RRAGD: variants seen among roughly 807,000 people sequenced by gnomAD.
The protein encoded by RRAGD is ras-related GTP-binding protein D.
A neutral mutation model predicts 35.5 loss-of-function variants in RRAGD; 12 were observed. The ratio of observed to expected loss-of-function variants is 0.34; its 90% confidence interval spans 0.22 to 0.55. The LOEUF (loss-of-function observed/expected upper bound fraction) is 0.55. Ranked by LOEUF, RRAGD falls within the 20% of genes least tolerant of loss-of-function variation. The pLI, the probability that RRAGD is intolerant of heterozygous loss-of-function variation, is 0.91. For synonymous variants in RRAGD, 155 were observed against 178.9 expected, an observed-to-expected ratio of 0.87 and a Z score of 1.07; for missense variants, 324 against 490.1, an observed-to-expected ratio of 0.66 and a Z score of 3.20.
chr6:89,393,608 C>T (rs1308416817), intron 1 of RRAGD, among the ~76,000 whole-genome samples: 1 of 152,216 alleles, frequency 6.6e-6, no homozygotes, highest in Non-Finnish European at 1.5e-5. Flanking sequence ...ACTCTCACTA[C>T]AATGTGTGGA....
intron 1 of RRAGD, among the ~76,000 whole-genome samples, chr6:89,391,165 G>A (rs1436280609): frequency 6.6e-6 from 1 of 151,958 alleles, no homozygotes; most frequent in East Asian, 1.9e-4. Flanking sequence ...CAGGAGGGTT[G>A]CTTGAGGCCA....
In RRAGD at chr6:89,405,353, CAAA is replaced by C. The variant is rs56252416; in HGVS notation, c.148+6490_148+6492del. Among the ~76,000 whole-genome samples, 26 of 52,204 alleles carry C rather than the reference CAAA, an allele frequency of 5.0e-4. No homozygotes were observed. In the South Asian group the frequency reaches 0.016, roughly 33 times the overall value. The allele number at this position is 52,204 out of a possible 152,430, so 34.2% of individuals were successfully genotyped here. A position where few individuals can be genotyped will look rare whatever the true frequency, so the allele number is the denominator to read the frequency against. On this transcript the variant is annotated intron_variant, in intron 1 of 6. Transcript: ENST00000369415. ...TGGGTGACAGAGCAAGACTCCGTCTCAAAAAAAAAAAAAAAAAAAAAAGAGATA... is the reference window on the plus strand; with the variant it reads ...TGGGTGACAGAGCAAGACTCCGTCTCAAAAAAAAAAAAAAAAAAAGAGATA...
chr6:89,370,904 GT>G (rs1768844317), intron 6 of RRAGD, among the ~76,000 whole-genome samples: 1 of 151,760 alleles, frequency 6.6e-6, no homozygotes, highest in Admixed American at 6.6e-5. Flanking sequence ...GATAATTATT[GT>G]TTTTTTGCTA....
chr6:89,397,690 T>A (rs1769366381), intron 1 of RRAGD, among the ~76,000 whole-genome samples: 1 of 151,860 alleles, frequency 6.6e-6, no homozygotes, highest in African/African-American at 2.4e-5. Context: ...TTGTGATGCA[T>A]CTCAGCAATA....
chr6:89,379,178 T>C lies in RRAGD; in HGVS notation c.759+46A>G, dbSNP rs374536304. 449 of 1,021,988 alleles carry C rather than the reference T, an allele frequency of 4.4e-4. 2 individuals are homozygous for C. In the South Asian group the frequency reaches 4.6e-3, roughly 10 times the overall value. The allele number at this position is 1,021,988 out of a possible 1,614,324, so 63.3% of individuals were successfully genotyped here. On this transcript the variant is annotated intron_variant, in intron 4 of 6. Coordinates refer to ENST00000369415, the MANE Select transcript of RRAGD (RefSeq NM_021244.5). ...GATCTTTTTCACTCTTGCAATGTTA[T>C]TTTCAAATTCTACAAGTGACTCAAA...
chr6:89,405,374 A>AAAG (rs1769558840), intron 1 of RRAGD, among the ~76,000 whole-genome samples: 1 of 149,570 alleles, frequency 6.7e-6, no homozygotes, highest in Non-Finnish European at 1.5e-5. Flanking sequence ...AAAAAAAAAA[A>AAAG]AGAGATAACA....
At chr6:89,376,672 C>T (rs1053085728) in intron 5 of RRAGD, among the ~76,000 whole-genome samples, 1 of 152,040 alleles carries the variant, frequency 6.6e-6, no homozygotes. Flanking sequence ...GTTTCCCCCA[C>T]TCCTTGTTTA....
chr6:89,379,761 A>C (rs1769011094), intron 3 of RRAGD, among the ~76,000 whole-genome samples: 1 of 152,226 alleles, frequency 6.6e-6, no homozygotes, highest in African/African-American at 2.4e-5. Context: ...CTACCTCACA[A>C]AAAATGATGG....
intron 1 of RRAGD, among the ~76,000 whole-genome samples, chr6:89,406,189 T>C (rs76705526): frequency 0.083 from 12,584 of 152,026 alleles, 561 homozygotes; most frequent in Admixed American, 0.098. Flanking sequence ...GTCCTAATGA[T>C]AAGGGGAGTG....
At chr6:89,393,330 G>A (rs903387892) in intron 1 of RRAGD, among the ~76,000 whole-genome samples, 2 of 150,822 alleles carry the variant, frequency 1.3e-5, no homozygotes, top group African/African-American at 4.9e-5. Flanking sequence ...TAGAACTGGT[G>A]GAATCCCACA....
chr6:89,412,070 A>G lies in RRAGD; in HGVS notation c.-77T>C. ...CCAAGCCTCCTAGCCGGCCGCCCGCAGCCTATTTCTGAAGCGGAGGTTTGT... is the reference window on the plus strand; with the variant it reads ...CCAAGCCTCCTAGCCGGCCGCCCGCGGCCTATTTCTGAAGCGGAGGTTTGT... On this transcript the variant is annotated 5_prime_UTR_variant, in exon 1 of 7. Coordinates refer to ENST00000369415, the MANE Select transcript of RRAGD (RefSeq NM_021244.5). This position sits in a 1 kb window ranked among gnomAD's most constrained non-coding sequence, Gnocchi z 4.2. 1 of 1,391,794 alleles carries G rather than the reference A, an allele frequency of 7.2e-7. No homozygotes were observed. The allele number at this position is 1,391,794 out of a possible 1,614,324, so 86.2% of individuals were successfully genotyped here.
chr6:89,402,937 G>A (rs1769501910), intron 1 of RRAGD, among the ~76,000 whole-genome samples: 1 of 152,122 alleles, frequency 6.6e-6, no homozygotes, highest in Non-Finnish European at 1.5e-5. Context: ...AGCACACAGT[G>A]TCATCTCTCA....
intron 2 of RRAGD, among the ~76,000 whole-genome samples, chr6:89,381,908 C>T (rs1769049387): frequency 1.3e-5 from 2 of 151,920 alleles, no homozygotes; most frequent in African/African-American, 4.8e-5. Context: ...CTTGACTGTA[C>T]CTGGAAGTCT....
At position 89,406,773 on chromosome 6, in the gene RRAGD, T is replaced by C. The variant is rs144129893; in HGVS notation, c.148+5073A>G. Among the ~76,000 whole-genome samples the C allele has an allele frequency of 9.2e-5, 14 of 152,266 alleles. No individual in the cohort carries two copies. In the East Asian group the frequency reaches 2.3e-3, roughly 25 times the overall value. On this transcript the variant is annotated intron_variant, in intron 1 of 6. Coordinates refer to ENST00000369415, the MANE Select transcript of RRAGD (RefSeq NM_021244.5). ...AACTGAGCTGGTTAACACAAGCCCATAGATGGCAAAACTAAAAGAGCACCC... is the reference window on the plus strand; with the variant it reads ...AACTGAGCTGGTTAACACAAGCCCACAGATGGCAAAACTAAAAGAGCACCC...
chr6:89,403,332 C>T (rs932526144), intron 1 of RRAGD, among the ~76,000 whole-genome samples: 4 of 152,064 alleles, frequency 2.6e-5, no homozygotes, highest in South Asian at 4.2e-4. Context: ...GTAGTCCCAG[C>T]TACTCAGGAG....
At chr6:89,386,690 C>T (rs1245268754) in intron 2 of RRAGD, among the ~76,000 whole-genome samples, 1 of 152,088 alleles carries the variant, frequency 6.6e-6, no homozygotes, top group African/African-American at 2.4e-5. Context: ...GTGCTTATAA[C>T]TATATAAACA....
intron 5 of RRAGD, among the ~76,000 whole-genome samples, chr6:89,376,605 C>G (rs1376956867): frequency 6.6e-6 from 1 of 152,180 alleles, no homozygotes; most frequent in Non-Finnish European, 1.5e-5. Flanking sequence ...CTGTACACCA[C>G]CTGTTCAGCA....
chr6:89,386,126 C>T (rs1769133575), intron 2 of RRAGD, among the ~76,000 whole-genome samples: 1 of 152,190 alleles, frequency 6.6e-6, no homozygotes, highest in Non-Finnish European at 1.5e-5. Context: ...TCAGCGCATG[C>T]TGAGAAGGGC....
intron 2 of RRAGD, among the ~76,000 whole-genome samples, chr6:89,384,046 T>C (rs1769094110): frequency 6.7e-6 from 1 of 149,892 alleles, no homozygotes; most frequent in Admixed American, 6.7e-5. Flanking sequence ...GGGATTGCAG[T>C]GAGCCAAGAT....
Sources: allele counts gnomAD v4.1 joint callset (sites outside exome capture counted in the v4.1 genomes callset), GRCh38; gene constraint gnomAD v4.1.1; non-coding constraint Gnocchi (gnomAD v3.1); transcripts MANE v1.5; gene names NCBI Gene and HGNC (gene_info 2026-07-23, HGNC 2026-07-21).